The following DCAF1 variants were observed in gnomAD, a reference collection of about 807,000 sequenced individuals.
DCAF1 encodes DDB1 and CUL4 associated factor 1.
Under a neutral mutation model 128.0 loss-of-function variants are expected in DCAF1, and 15 were observed. That is an observed-to-expected ratio of 0.12 (90% CI 0.08 to 0.18). The LOEUF is 0.18. Among genes scored for constraint, DCAF1 ranks in the 10% least tolerant of loss-of-function variants. The pLI is 1.00. For synonymous variants in DCAF1, 610 were observed against 603.0 expected (o/e 1.01, Z -0.17); for missense variants, 988 against 1,649.5 (o/e 0.60, Z 6.95).
At chr3:51,454,127 C>T (rs1702635960) in intron 6 of DCAF1, among the ~76,000 whole-genome samples, 1 of 152,184 alleles carries the variant, frequency 6.6e-6, no homozygotes, top group Non-Finnish European at 1.5e-5. Context: ...ACCATAGCCT[C>T]TACTTCCTGA....
intron 23 of DCAF1, among the ~76,000 whole-genome samples, chr3:51,405,986 A>C (rs941382237): frequency 2.6e-5 from 4 of 152,118 alleles, no homozygotes; most frequent in Non-Finnish European, 5.9e-5. Context: ...TTGAACTACG[A>C]TTGTGCCACT....
At chr3:51,443,520 G>T (rs1191909781) in intron 7 of DCAF1, among the ~76,000 whole-genome samples, 4 of 151,330 alleles carry the variant, frequency 2.6e-5, no homozygotes, top group African/African-American at 7.3e-5. Flanking sequence ...AACCCGGGAG[G>T]CAGAGGTTGC....
chr3:51,472,072 G>A (rs1704820877), intron 3 of DCAF1, among the ~76,000 whole-genome samples: 1 of 152,074 alleles, frequency 6.6e-6, no homozygotes, highest in Non-Finnish European at 1.5e-5. Flanking sequence ...CTGATCTGAT[G>A]CAATTCATTC....
At chr3:51,482,764 CAAAAAA>C (rs797042469) in intron 3 of DCAF1, among the ~76,000 whole-genome samples, 2 of 29,990 alleles carry the variant, frequency 6.7e-5, no homozygotes. Context: ...CACTCCATCT[CAAAAAA>C]AAAAAAAAAA....
At position 51,463,219 on chromosome 3, in the gene DCAF1, A is replaced by G. The variant is rs934468709; in HGVS notation, c.270T>C (p.Asn90=). ...GCTCTCGGCTTGTCATCACATATGCATTCACCAGCTGTAAAGAAAAAAAAG... is the reference window on the plus strand; with the variant it reads ...GCTCTCGGCTTGTCATCACATATGCGTTCACCAGCTGTAAAGAAAAAAAAG... The part of the protein sequence containing the change: ...KNDDFMNALV[N]AYVMTSREPP... Residue 90 remains asparagine, a synonymous_variant, in exon 6 of 25, where the codon AAT becomes AAC. Coordinates refer to ENST00000684031, the MANE Select transcript of DCAF1 (RefSeq NM_001387579.1). 32 of 1,565,076 alleles carry G rather than the reference A, an allele frequency of 2.0e-5. No individual in the cohort carries two copies. The highest frequency in any genetic ancestry group is 2.8e-5 in the Non-Finnish European group (32 of 1,157,012).
At chr3:51,489,517 G>A (rs1332504083) in intron 2 of DCAF1, among the ~76,000 whole-genome samples, 2 of 151,868 alleles carry the variant, frequency 1.3e-5, no homozygotes, top group Admixed American at 6.6e-5. Context: ...GGCTGGGCAA[G>A]GTGGCTCATG....
At chr3:51,400,704 C>T (rs1407525186) in intron 24 of DCAF1, among the ~76,000 whole-genome samples, 1 of 152,128 alleles carries the variant, frequency 6.6e-6, no homozygotes, top group African/African-American at 2.4e-5. Context: ...CAATCCCAAA[C>T]CCTGGTTAGG....
chr3:51,427,625 G>T, intron 12 of DCAF1, 84 bp from the exon 13 acceptor site: 1 of 447,010 alleles, frequency 2.2e-6, no homozygotes. Flanking sequence ...CACTGGCCAA[G>T]AGATTTTATT....
intron 22 of DCAF1, 68 bp from the exon 23 acceptor site, chr3:51,412,548 C>A: frequency 1.9e-6 from 3 of 1,603,352 alleles, no homozygotes; most frequent in Non-Finnish European, 2.5e-6. Context: ...CGCCTCAGCC[C>A]TGACTGGTGC....
intron 9 of DCAF1, among the ~76,000 whole-genome samples, chr3:51,436,889 T>C (rs1419411392): frequency 6.6e-6 from 1 of 152,192 alleles, no homozygotes; most frequent in Non-Finnish European, 1.5e-5. Context: ...GATGAAACTT[T>C]GTGCTATTTT....
chr3:51,504,915 C>T (rs1708904942), upstream of DCAF1, among the ~76,000 whole-genome samples: 1 of 151,892 alleles, frequency 6.6e-6, no homozygotes, highest in African/African-American at 2.4e-5. Flanking sequence ...GAGTTCAAGA[C>T]CAACCTGGGC....
chr3:51,475,888 GC>G (rs1318528905), intron 3 of DCAF1, among the ~76,000 whole-genome samples: 4 of 151,832 alleles, frequency 2.6e-5, no homozygotes, highest in Non-Finnish European at 5.9e-5. Flanking sequence ...GGCTTTTGGA[GC>G]CAGATTTTCA....
chr3:51,399,799 ATAAAACAGACAAACCCTGAGCCCG>A (rs1179189485), intron 24 of DCAF1, among the ~76,000 whole-genome samples: 6 of 152,270 alleles, frequency 3.9e-5, no homozygotes, highest in East Asian at 1.9e-4. Flanking sequence ...TAGGTCCCCC[ATAAAACAGACAAACCCTGAGCCCG>A]TAAAACAGAC....
chr3:51,401,410 C>A (rs2089691083), intron 24 of DCAF1, among the ~76,000 whole-genome samples: 1 of 152,184 alleles, frequency 6.6e-6, no homozygotes, highest in Non-Finnish European at 1.5e-5. Context: ...CAGCAGCTGG[C>A]TCTTCTATGA....
In DCAF1 at chr3:51,420,063, G is replaced by C; in HGVS notation, c.2907C>G (p.Gly969=). The C allele has an allele frequency of 6.2e-7, 1 of 1,614,032 alleles. No homozygotes were observed. Among genetic ancestry groups the C allele is most frequent in the African/African-American group, 1.3e-5 (1 of 75,044 alleles). ...FIRERPSPCN[G]RKIRVLRQKS... is the part of the protein sequence containing the mutation. ...TCTGCCGCAACACTCTGATTTTCCT[G>C]CCATTGCAGGGTGATGGCCTCTCTC... Residue 969 remains glycine (G), a synonymous_variant, in exon 15 of 25, where the codon GGC becomes GGG. Transcript: ENST00000684031. The surrounding 1 kb of genome is among the most constrained non-coding windows in gnomAD (Gnocchi z 6.5).
intron 3 of DCAF1, among the ~76,000 whole-genome samples, chr3:51,474,587 GT>G (rs1301956515): frequency 3.4e-5 from 5 of 147,576 alleles, no homozygotes; most frequent in Non-Finnish European, 3.0e-5. Flanking sequence ...ATGTGTACTT[GT>G]TTTTTTTGTT....
chr3:51,472,019 C>A (rs184374021), intron 3 of DCAF1, among the ~76,000 whole-genome samples: 3 of 152,318 alleles, frequency 2.0e-5, no homozygotes, highest in Admixed American at 2.0e-4. Flanking sequence ...TGGATTACCT[C>A]TAATGGTCTT....
intron 4 of DCAF1, among the ~76,000 whole-genome samples, chr3:51,469,717 T>C (rs1038716201): frequency 1.5e-4 from 23 of 152,172 alleles, no homozygotes; most frequent in South Asian, 8.3e-4. Context: ...GGTGCTATCA[T>C]GGCTTTAATT....
intron 2 of DCAF1, among the ~76,000 whole-genome samples, chr3:51,491,212 T>C (rs1051600988): frequency 2.0e-5 from 3 of 150,936 alleles, no homozygotes; most frequent in Non-Finnish European, 4.4e-5. Flanking sequence ...GCTGGGCGTG[T>C]TGGCACGCAC....
Sources: allele counts gnomAD v4.1 joint callset (sites outside exome capture counted in the v4.1 genomes callset), GRCh38; gene constraint gnomAD v4.1.1; non-coding constraint Gnocchi (gnomAD v3.1); transcripts MANE v1.5; gene names NCBI Gene and HGNC (gene_info 2026-07-23, HGNC 2026-07-21).